Variants in THSD7A observed in about 807,000 individuals in gnomAD.
The protein encoded by THSD7A is thrombospondin type 1 domain containing 7A.
THSD7A carries 96 observed loss-of-function variants against 231.3 expected under a neutral mutation model. The ratio of observed to expected loss-of-function variants is 0.41; its 90% CI spans 0.35 to 0.49. The LOEUF is 0.49. Among genes scored for constraint, THSD7A ranks in the 20% least tolerant of loss-of-function variants. The probability of loss-of-function intolerance (pLI) is 0.05; values close to 1 mark genes in which losing one functional copy is unlikely to be tolerated. For missense variants in THSD7A, 2,290 were observed against 2,070.2 expected, an observed-to-expected ratio of 1.11 and a Z score of -2.06; for synonymous variants, 940 against 743.3, an observed-to-expected ratio of 1.26 and a Z score of -4.30.
intron 6 of THSD7A, among the ~76,000 whole-genome samples, chr7:11,498,888 A>G (rs1373198241): frequency 1.3e-5 from 2 of 152,132 alleles, no homozygotes; most frequent in South Asian, 2.1e-4. Context: ...CAGCAGCCCT[A>G]TGGAAAAGTG....
intron 1 of THSD7A, among the ~76,000 whole-genome samples, chr7:11,765,121 G>C (rs955456704): frequency 6.6e-6 from 1 of 151,990 alleles, no homozygotes; most frequent in Admixed American, 6.6e-5. Context: ...GAGAGAAACT[G>C]ATACTGGAAA....
chr7:11,620,740 C>T (rs895728932), intron 2 of THSD7A, among the ~76,000 whole-genome samples: 1 of 152,184 alleles, frequency 6.6e-6, no homozygotes, highest in Non-Finnish European at 1.5e-5. Flanking sequence ...CTTATTATCA[C>T]AATCAAATTA....
At position 11,593,128 on chromosome 7, in the gene THSD7A, G is replaced by GATACTGTTTGT. The variant is rs1485882597; in HGVS notation, c.1271+115_1271+125dup. The GATACTGTTTGT allele has an allele frequency of 5.3e-6, 7 of 1,320,356 alleles. No individual in the cohort carries two copies. The African/African-American group carries it at 1.0e-4, about 20-fold the overall frequency. 81.8% of individuals were successfully genotyped at this position (1,320,356 alleles called of 1,614,324 possible). A position where few individuals can be genotyped will look rare whatever the true frequency, so the allele number is the denominator to read the frequency against. ...TTCTGTAAAAAAAGTTTTTTTTAAGGATACTGTTTGTAAAGATATTTTTTA... is the reference window on the plus strand; with the variant it reads ...TTCTGTAAAAAAAGTTTTTTTTAAGGATACTGTTTGTATACTGTTTGTAAAGATATTTTTTA... On this transcript the variant is annotated intron_variant, in intron 3 of 27. Transcript: ENST00000423059.
intron 1 of THSD7A, among the ~76,000 whole-genome samples, chr7:11,718,012 C>A: frequency 6.6e-6 from 1 of 151,576 alleles, no homozygotes; most frequent in East Asian, 2.0e-4. Flanking sequence ...CAAAACTAAT[C>A]TCTATGCACA....
At chr7:11,642,686 A>G (rs1352314649) in intron 1 of THSD7A, among the ~76,000 whole-genome samples, 2 of 152,164 alleles carry the variant, frequency 1.3e-5, no homozygotes, top group African/African-American at 4.8e-5. Flanking sequence ...ATTATGCAAA[A>G]TTGCAATAAA....
chr7:11,811,537 TCA>T (rs1232587449), intron 1 of THSD7A, among the ~76,000 whole-genome samples: 1 of 152,176 alleles, frequency 6.6e-6, no homozygotes, highest in Non-Finnish European at 1.5e-5. Flanking sequence ...GTCCTAATTT[TCA>T]TCTCCTTCAT....
intron 1 of THSD7A, among the ~76,000 whole-genome samples, chr7:11,689,206 T>C (rs1007158653): frequency 6.6e-6 from 1 of 151,894 alleles, no homozygotes; most frequent in Non-Finnish European, 1.5e-5. Context: ...CCAGCAATTA[T>C]GACCAAATTG....
intron 4 of THSD7A, among the ~76,000 whole-genome samples, chr7:11,552,697 C>A (rs2128326682): frequency 6.6e-6 from 1 of 152,226 alleles, no homozygotes; most frequent in African/African-American, 2.4e-5. Flanking sequence ...TTGTGCCAAT[C>A]ATGTTTAAAA....
In THSD7A at chr7:11,474,715, G is replaced by A. The variant is rs1770305576; in HGVS notation, c.2018-147C>T. 4.7e-6 allele frequency: 3 copies of A among 641,444 alleles called. No homozygotes were observed. Among genetic ancestry groups the A allele is most frequent in the Non-Finnish European group, 8.0e-6 (3 of 377,318 alleles). The allele number at this position is 641,444 out of a possible 1,614,324, so 39.7% of individuals were successfully genotyped here. A position where few individuals can be genotyped will look rare whatever the true frequency, so the allele number is the denominator to read the frequency against. On this transcript the variant is annotated intron_variant, in intron 7 of 27. Transcript: ENST00000423059. This position sits in a 1 kb window ranked among gnomAD's most constrained non-coding sequence, Gnocchi z 4.1. The stretch of plus-strand genomic sequence containing the variant: ...TCATAAATACACGCAATATTTATGT[G>A]AGATGCTTCAAGGGATACCTACAGG...
intron 6 of THSD7A, among the ~76,000 whole-genome samples, chr7:11,512,848 A>G (rs935826821): frequency 3.3e-5 from 5 of 150,736 alleles, no homozygotes; most frequent in African/African-American, 1.2e-4. Context: ...TAAGGGGTGC[A>G]ACATACCAAC....
intron 6 of THSD7A, among the ~76,000 whole-genome samples, chr7:11,482,857 C>A (rs548923292): frequency 3.9e-5 from 6 of 152,116 alleles, no homozygotes; most frequent in Non-Finnish European, 8.8e-5. Context: ...ATATAAAAGG[C>A]CAATGAGAAA....
chr7:11,383,124 T>A (rs1283252357), intron 23 of THSD7A, among the ~76,000 whole-genome samples: 11 of 151,808 alleles, frequency 7.2e-5, no homozygotes, highest in Non-Finnish European at 1.5e-4. Context: ...TGCTTTTAAT[T>A]TTTTCACTAT....
chr7:11,812,147 C>CAG lies in THSD7A; in HGVS notation c.190+19608_190+19609dup, dbSNP rs902526907. ...TGTGTGTGTGTGTGTGTGTGGGAGACAGAGAGAGAGATATGGGGAGAGGGA... is the reference window on the plus strand; with the variant it reads ...TGTGTGTGTGTGTGTGTGTGGGAGACAGAGAGAGAGAGATATGGGGAGAGGGA... On this transcript the variant is annotated intron_variant, in intron 1 of 27. Coordinates refer to ENST00000423059, the MANE Select transcript of THSD7A (RefSeq NM_015204.3). 1.6e-3 allele frequency among the ~76,000 whole-genome samples: 205 copies of CAG among 131,682 alleles called. 1 individual carries two copies. Among genetic ancestry groups the CAG allele is most frequent in the South Asian group, 2.8e-3 (11 of 3,950 alleles). 86.4% of individuals were successfully genotyped at this position (131,682 alleles called of 152,430 possible).
chr7:11,769,838 G>C (rs893908567), intron 1 of THSD7A, among the ~76,000 whole-genome samples: 11 of 152,084 alleles, frequency 7.2e-5, no homozygotes, highest in African/African-American at 2.7e-4. Context: ...AAAAGTATCT[G>C]TATGATTACT....
chr7:11,666,945 T>C (rs1436807762), intron 1 of THSD7A, among the ~76,000 whole-genome samples: 1 of 152,138 alleles, frequency 6.6e-6, no homozygotes, highest in African/African-American at 2.4e-5. Flanking sequence ...CTAAAATGTA[T>C]ACAGTTATCC....
intron 1 of THSD7A, among the ~76,000 whole-genome samples, chr7:11,813,932 G>A (rs1370948846): frequency 1.3e-5 from 2 of 152,070 alleles, no homozygotes; most frequent in Non-Finnish European, 2.9e-5. Flanking sequence ...CAACCCAAAT[G>A]TCTATCAGCT....
chr7:11,608,727 T>A (rs1780818954), intron 2 of THSD7A, among the ~76,000 whole-genome samples: 1 of 152,200 alleles, frequency 6.6e-6, no homozygotes, highest in African/African-American at 2.4e-5. Flanking sequence ...CTCCTCTTTT[T>A]TTCTAAACTT....
intron 11 of THSD7A, among the ~76,000 whole-genome samples, chr7:11,460,400 T>C (rs1048033372): frequency 2.0e-5 from 3 of 152,186 alleles, no homozygotes; most frequent in African/African-American, 7.2e-5. Context: ...GTACCATTTA[T>C]GTCATAAGTG....
intron 1 of THSD7A, among the ~76,000 whole-genome samples, chr7:11,807,605 A>G (rs1784431194): frequency 6.6e-6 from 1 of 152,178 alleles, no homozygotes; most frequent in South Asian, 2.1e-4. Flanking sequence ...TAGTCTACCC[A>G]AGTCCCAAAC....
Sources: gnomAD v4.1 joint callset for allele counts (sites outside exome capture counted in the v4.1 genomes callset) on GRCh38, gnomAD v4.1.1 for gene constraint, Gnocchi (gnomAD v3.1) non-coding constraint, MANE v1.5 for transcripts, NCBI Gene and HGNC (gene_info 2026-07-23, HGNC 2026-07-21) for gene names.